The following PLXDC2 variants were observed in gnomAD, a reference collection of about 807,000 sequenced individuals.
PLXDC2 encodes the protein plexin domain-containing protein 2.
In PLXDC2, 40 loss-of-function variants were observed where a neutral mutation model predicts 68.9. The ratio of observed to expected loss-of-function variants is 0.58; its 90% CI spans 0.45 to 0.76. PLXDC2 has a LOEUF of 0.76. Among genes scored for constraint, PLXDC2 ranks in the 30% least tolerant of loss-of-function variants. The probability of loss-of-function intolerance (pLI) is 0.00; values close to 1 mark genes in which losing one functional copy is unlikely to be tolerated. For synonymous variants in PLXDC2, 243 were observed against 234.2 expected, an observed-to-expected ratio of 1.04 and a Z score of -0.34; for missense variants, 644 against 661.9, an observed-to-expected ratio of 0.97 and a Z score of 0.30.
chr10:20,220,708 C>T (rs1161731386), intron 12 of PLXDC2, among the ~76,000 whole-genome samples: 1 of 152,148 alleles, frequency 6.6e-6, no homozygotes, highest in Non-Finnish European at 1.5e-5. Flanking sequence ...AGCATTGTTG[C>T]TGGCTTGGGG....
intron 9 of PLXDC2, among the ~76,000 whole-genome samples, chr10:20,202,729 T>C (rs1834937024): frequency 6.6e-6 from 1 of 152,166 alleles, no homozygotes; most frequent in Non-Finnish European, 1.5e-5. Context: ...TTAGCTATTT[T>C]CAAATGAATG....
chr10:20,249,809 A>G (rs1454339242), intron 13 of PLXDC2, among the ~76,000 whole-genome samples: 1 of 152,256 alleles, frequency 6.6e-6, no homozygotes, highest in South Asian at 2.1e-4. Context: ...ACACGCTTCC[A>G]ATTAAACTCT....
intron 13 of PLXDC2, among the ~76,000 whole-genome samples, chr10:20,260,832 C>T (rs1007914131): frequency 6.6e-6 from 1 of 152,208 alleles, no homozygotes; most frequent in African/African-American, 2.4e-5. Flanking sequence ...AAGGTTCCCT[C>T]TTCTCCACAC....
At chr10:20,099,761 A>ATT (rs1373031223) in intron 4 of PLXDC2, among the ~76,000 whole-genome samples, 4 of 152,118 alleles carry the variant, frequency 2.6e-5, no homozygotes, top group Non-Finnish European at 5.9e-5. Flanking sequence ...TGAGGGAGTG[A>ATT]TTATGTTGCT....
intron 1 of PLXDC2, among the ~76,000 whole-genome samples, chr10:19,960,103 A>G (rs779006571): frequency 3.2e-4 from 48 of 150,934 alleles, no homozygotes; most frequent in Non-Finnish European, 5.2e-4. Context: ...CATGCCTGAC[A>G]TCTCAGTGCT....
intron 2 of PLXDC2, among the ~76,000 whole-genome samples, chr10:20,033,133 G>A (rs1405683458): frequency 2.0e-5 from 3 of 151,576 alleles, no homozygotes; most frequent in Admixed American, 6.6e-5. Context: ...GTATACATAT[G>A]TAACAAACCT....
At chr10:19,820,475 CA>C (rs1250992498) in intron 1 of PLXDC2, among the ~76,000 whole-genome samples, 2 of 148,588 alleles carry the variant, frequency 1.3e-5, no homozygotes, top group Admixed American at 6.7e-5. Flanking sequence ...ACTAAAAATA[CA>C]AAAAAAAATT....
At chr10:20,266,437 A>G (rs1024512869) in intron 13 of PLXDC2, among the ~76,000 whole-genome samples, 1 of 152,014 alleles carries the variant, frequency 6.6e-6, no homozygotes, top group Non-Finnish European at 1.5e-5. Flanking sequence ...AGCAGTACCC[A>G]AAAAGGGAAA....
intron 4 of PLXDC2, among the ~76,000 whole-genome samples, chr10:20,090,947 A>G (rs1028840545): frequency 5.3e-5 from 8 of 152,194 alleles, no homozygotes; most frequent in Non-Finnish European, 8.8e-5. Flanking sequence ...TCAAGTGTCT[A>G]ATGAATACAA....
chr10:20,205,363 A>C (rs1834977143), intron 9 of PLXDC2, among the ~76,000 whole-genome samples: 1 of 152,148 alleles, frequency 6.6e-6, no homozygotes, highest in African/African-American at 2.4e-5. Flanking sequence ...GGACATAAAA[A>C]CATTAAAACC....
At chr10:19,928,261 G>A (rs10764177) in intron 1 of PLXDC2, among the ~76,000 whole-genome samples, 152,346 of 152,346 alleles carry the variant, frequency 1, 76,173 homozygotes, top group Non-Finnish European at 1. Context: ...ACATACATGT[G>A]CCAGTGTCTT....
intron 1 of PLXDC2, among the ~76,000 whole-genome samples, chr10:19,878,155 T>A (rs78704273): frequency 0.04 from 6,029 of 150,962 alleles, 172 homozygotes; most frequent in Middle Eastern, 0.12. Context: ...AATATAAATA[T>A]TTGGAAAATA....
intron 1 of PLXDC2, among the ~76,000 whole-genome samples, chr10:19,885,798 G>A (rs1837835131): frequency 1.3e-5 from 2 of 152,160 alleles, no homozygotes; most frequent in South Asian, 4.1e-4. Context: ...GATGCCTCCA[G>A]CTTTGTTCTT....
chr10:20,170,485 C>T (rs901739828), intron 7 of PLXDC2, among the ~76,000 whole-genome samples: 2 of 152,234 alleles, frequency 1.3e-5, no homozygotes, highest in South Asian at 2.1e-4. Context: ...CCACCATGCC[C>T]GGCACAGGCA....
At chr10:20,027,340 A>G (rs990664736) in intron 2 of PLXDC2, among the ~76,000 whole-genome samples, 2 of 152,044 alleles carry the variant, frequency 1.3e-5, no homozygotes, top group African/African-American at 4.8e-5. Flanking sequence ...TTGTTATGAA[A>G]AGGGTGTGAA....
At chr10:19,825,946 C>G (rs868524235) in intron 1 of PLXDC2, among the ~76,000 whole-genome samples, 1 of 152,220 alleles carries the variant, frequency 6.6e-6, no homozygotes, top group Non-Finnish European at 1.5e-5. Context: ...TTTCAGCTGA[C>G]TTCTCCTTTT....
chr10:19,998,737 T>C (rs536733294), intron 1 of PLXDC2, among the ~76,000 whole-genome samples: 1 of 152,238 alleles, frequency 6.6e-6, no homozygotes, highest in African/African-American at 2.4e-5. Context: ...TTTGTCAACA[T>C]TTGACTGTAA....
chr10:19,846,642 G>C lies in PLXDC2; in HGVS notation c.112+29451G>C, dbSNP rs1442577165. 2.0e-5 allele frequency among the ~76,000 whole-genome samples: 3 copies of C among 152,144 alleles called. No individual in the cohort carries two copies. In the East Asian group the frequency reaches 5.8e-4, roughly 29 times the overall value. On this transcript the variant is annotated intron_variant, in intron 1 of 13. Coordinates refer to ENST00000377252, the MANE Select transcript of PLXDC2 (RefSeq NM_032812.9). Reference sequence around the variant, plus strand: ...TTACCTCACCAAACTTTTTTGGGGGGTCTGATATCAGTAACTCCTTTGGGA... The same window carrying C: ...TTACCTCACCAAACTTTTTTGGGGGCTCTGATATCAGTAACTCCTTTGGGA...
chr10:20,227,512 A>G (rs979059540), intron 12 of PLXDC2, among the ~76,000 whole-genome samples: 22 of 152,112 alleles, frequency 1.4e-4, no homozygotes, highest in African/African-American at 5.1e-4. Context: ...GATAACTCTA[A>G]AGAGCTGCCA....
Sources: allele counts gnomAD v4.1 joint callset (sites outside exome capture counted in the v4.1 genomes callset), GRCh38; gene constraint gnomAD v4.1.1; transcripts MANE v1.5; gene names NCBI Gene and HGNC (gene_info 2026-07-23, HGNC 2026-07-21).